Variants in RMND1 observed in about 807,000 individuals in gnomAD.
The protein encoded by RMND1 is required for meiotic nuclear division 1 homolog, also known as required for meiotic nuclear division protein 1 homolog.
In RMND1, 41 loss-of-function variants were observed where a neutral mutation model predicts 54.0. The ratio of observed to expected loss-of-function variants is 0.76; its 90% CI spans 0.59 to 0.98. The LOEUF (loss-of-function observed/expected upper bound fraction) is 0.98. Ranked by LOEUF, RMND1 falls within the 50% of genes least tolerant of loss-of-function variation. RMND1 has a pLI of 0.00. For synonymous variants in RMND1, 183 were observed against 181.7 expected (o/e 1.01, Z -0.06); for missense variants, 457 against 532.0 (o/e 0.86, Z 1.39).
chr6:151,406,317 T>TA (rs1405040759), intron 10 of RMND1, among the ~76,000 whole-genome samples: 2 of 151,938 alleles, frequency 1.3e-5, no homozygotes, highest in African/African-American at 2.4e-5. Context: ...TCAAAGAAAA[T>TA]AAAGTCCCTG....
intron 10 of RMND1, among the ~76,000 whole-genome samples, chr6:151,415,792 CAAA>C (rs3029408): frequency 0.4 from 37,163 of 92,844 alleles, 5,694 homozygotes; most frequent in African/African-American, 0.55. Context: ...GACTCCGTCT[CAAA>C]AAAAAAAAAA....
chr6:151,447,789 T>C (rs1312523560), intron 1 of RMND1, among the ~76,000 whole-genome samples: 6 of 151,626 alleles, frequency 4.0e-5, no homozygotes, highest in African/African-American at 1.5e-4. Flanking sequence ...CTGGATTCTT[T>C]TTATTCTCTT....
At chr6:151,436,389 T>A in intron 3 of RMND1, 57 bp downstream of exon 3, 1 of 1,601,782 alleles carries the variant, frequency 6.2e-7, no homozygotes, top group Non-Finnish European at 8.5e-7. Flanking sequence ...GATAGTATCA[T>A]AGGAAAATTA....
rs377016879 is a variant in RMND1, at chr6:151,433,249, G to C, written c.614-19C>G. On this transcript the variant is annotated intron_variant, in intron 3 of 11. Coordinates refer to ENST00000444024, the MANE Select transcript of RMND1 (RefSeq NM_017909.4). Reference sequence around the variant, plus strand: ...GCTGCATCTGTGATTTAAAATAAACGAACAAAAAAGCTATGTCAAGGTAAC... The same window carrying C: ...GCTGCATCTGTGATTTAAAATAAACCAACAAAAAAGCTATGTCAAGGTAAC... 4 of 1,564,024 alleles carry C rather than the reference G, an allele frequency of 2.6e-6. No individual in the cohort carries two copies. In the African/African-American group the frequency reaches 5.5e-5, roughly 21 times the overall value.
intron 2 of RMND1, chr6:151,445,034 T>G (rs1323217556): frequency 5.9e-6 from 2 of 341,034 alleles, no homozygotes; most frequent in African/African-American, 4.2e-5. Flanking sequence ...ATATTGGTCC[T>G]CTTTTTCAGT....
chr6:151,434,690 AATG>A (rs1390242525), intron 3 of RMND1, among the ~76,000 whole-genome samples: 1 of 152,176 alleles, frequency 6.6e-6, no homozygotes, highest in East Asian at 1.9e-4. Context: ...GGATTATCAC[AATG>A]ATATTTCAAC....
At chr6:151,443,484 GTA>G (rs1780849861) in intron 2 of RMND1, among the ~76,000 whole-genome samples, 1 of 152,016 alleles carries the variant, frequency 6.6e-6, no homozygotes, top group Non-Finnish European at 1.5e-5. Flanking sequence ...GCTAATTTTT[GTA>G]TATTTGTAGA....
At chr6:151,436,623 C>T in intron 2 of RMND1, 69 bp from the exon 3 acceptor site, 2 of 1,470,334 alleles carry the variant, frequency 1.4e-6, no homozygotes, top group Admixed American at 1.8e-5. Flanking sequence ...CTGCTGAGCA[C>T]CCTACTGGAC....
chr6:151,427,620 ACTCCC>A, intron 5 of RMND1, 38 bp from the exon 6 acceptor site: 2 of 1,284,378 alleles, frequency 1.6e-6, no homozygotes, highest in South Asian at 1.2e-5. Context: ...ATCATAACTG[ACTCCC>A]TCAGTTCAAG....
chr6:151,419,596 C>A (rs1780099718), intron 9 of RMND1, among the ~76,000 whole-genome samples: 2 of 150,512 alleles, frequency 1.3e-5, no homozygotes, highest in Admixed American at 1.3e-4. Flanking sequence ...AATCCCTGAG[C>A]CCAGGAGATC....
chr6:151,424,845 G>A (rs1456351396), intron 6 of RMND1, among the ~76,000 whole-genome samples: 1 of 151,782 alleles, frequency 6.6e-6, no homozygotes, highest in South Asian at 2.1e-4. Context: ...TGTCAGACAA[G>A]AAGTGACGGC....
At chr6:151,417,224 C>T (rs1780030783) in intron 10 of RMND1, 55 bp downstream of exon 10, 6 of 1,543,942 alleles carry the variant, frequency 3.9e-6, no homozygotes, top group Middle Eastern at 1.7e-4. Flanking sequence ...TAAACATATT[C>T]AACTTATAGG....
intron 9 of RMND1, chr6:151,418,575 G>A: frequency 6.6e-6 from 1 of 152,232 alleles, no homozygotes; most frequent in Non-Finnish European, 1.5e-5. Flanking sequence ...TCCTGCCTCA[G>A]CCTCCTGAGC....
chr6:151,421,557 A>T (rs1780151240), intron 8 of RMND1, among the ~76,000 whole-genome samples: 1 of 152,168 alleles, frequency 6.6e-6, no homozygotes, highest in African/African-American at 2.4e-5. Flanking sequence ...TCAATGATAT[A>T]TACATTCCTA....
At chr6:151,417,449 T>C (rs1158898674) in intron 9 of RMND1, 50 bp from the exon 10 acceptor site, 3 of 1,421,318 alleles carry the variant, frequency 2.1e-6, no homozygotes, top group East Asian at 2.5e-5. Flanking sequence ...TTAAAAATCA[T>C]TGTTTCTATT....
chr6:151,438,076 A>C (rs971522639), intron 2 of RMND1, among the ~76,000 whole-genome samples: 3 of 152,226 alleles, frequency 2.0e-5, no homozygotes, highest in African/African-American at 7.2e-5. Context: ...GAACACGGGG[A>C]TATACAAATA....
intron 2 of RMND1, among the ~76,000 whole-genome samples, chr6:151,441,451 T>G (rs1477704920): frequency 6.6e-6 from 1 of 152,178 alleles, no homozygotes; most frequent in Non-Finnish European, 1.5e-5. Flanking sequence ...GGGAACATCT[T>G]TTGTTTTAAT....
chr6:151,425,822 T>C (rs946273165), intron 6 of RMND1, among the ~76,000 whole-genome samples: 3 of 152,212 alleles, frequency 2.0e-5, no homozygotes, highest in Non-Finnish European at 2.9e-5. Flanking sequence ...AGGCACTTAC[T>C]TAGAAAACCG....
Position 151,436,060 on chromosome 6 carries a change from G to A in RMND1, c.613+386C>T, listed in dbSNP as rs189622235. ...GCGGAAGTTGTAGTGAGCTGAGATCGCGCCATTGCACTCCAGCCTGGGCAA... is the reference window on the plus strand; with the variant it reads ...GCGGAAGTTGTAGTGAGCTGAGATCACGCCATTGCACTCCAGCCTGGGCAA... On this transcript the variant is annotated intron_variant, in intron 3 of 11. Transcript: ENST00000444024. 2.6e-4 allele frequency among the ~76,000 whole-genome samples: 39 copies of A among 150,524 alleles called. No individual in the cohort carries two copies. In the East Asian group the frequency reaches 6.3e-3, roughly 24 times the overall value.
Sources: gnomAD v4.1 joint callset for allele counts (sites outside exome capture counted in the v4.1 genomes callset) on GRCh38, gnomAD v4.1.1 for gene constraint, MANE v1.5 for transcripts, NCBI Gene and HGNC (gene_info 2026-07-23, HGNC 2026-07-21) for gene names.